AGBL1: variants seen among roughly 807,000 people sequenced by gnomAD.
The protein encoded by AGBL1 is AGBL carboxypeptidase 1, also known as cytosolic carboxypeptidase 4.
Under a neutral mutation model 118.9 loss-of-function variants are expected in AGBL1, and 130 were observed. The ratio of observed to expected loss-of-function variants is 1.09; its 90% CI spans 0.95 to 1.26. AGBL1 has a LOEUF of 1.26. Ranked by LOEUF, AGBL1 falls within the 50% of genes most tolerant of loss-of-function variation. The pLI is 0.00. For synonymous variants in AGBL1, 555 were observed against 478.9 expected (o/e 1.16, Z -2.08); for missense variants, 1,584 against 1,298.1 (o/e 1.22, Z -3.38).
intron 24 of AGBL1, among the ~76,000 whole-genome samples, chr15:87,005,367 T>G (rs1567283093): frequency 1.3e-5 from 2 of 152,226 alleles, no homozygotes; most frequent in Non-Finnish European, 2.9e-5. Context: ...AGTCCCATAT[T>G]TCTTGGAGGC....
chr15:86,556,271 G>A lies in AGBL1; in HGVS notation c.2994+1734G>A, dbSNP rs1443466865. ...GACAAAGAATGAAAGGGCTCACCCAGTGGATGGCCTTCAGGTATTGGAGCA... is the reference window on the plus strand; with the variant it reads ...GACAAAGAATGAAAGGGCTCACCCAATGGATGGCCTTCAGGTATTGGAGCA... On this transcript the variant is annotated intron_variant, in intron 21 of 22. Transcript: ENST00000614907. The A allele has an allele frequency of 5.6e-6, 9 of 1,612,884 alleles. No individual in the cohort carries two copies. The South Asian group carries it at 6.6e-5, about 12-fold the overall frequency.
At chr15:86,604,799 T>TTC in intron 21 of AGBL1, among the ~76,000 whole-genome samples, 1 of 145,292 alleles carries the variant, frequency 6.9e-6, no homozygotes, top group African/African-American at 2.5e-5. Flanking sequence ...TTTTCTTTCT[T>TTC]TTTTTTTTTT....
chr15:86,677,330 C>G (rs1416354917), intron 22 of AGBL1, among the ~76,000 whole-genome samples: 1 of 152,184 alleles, frequency 6.6e-6, no homozygotes, highest in East Asian at 1.9e-4. Flanking sequence ...TTGCAGTCCT[C>G]TTCTTCCCAG....
In AGBL1 at chr15:86,225,160, A is replaced by T. The variant is rs559197787; in HGVS notation, c.526+209A>T. Among the ~76,000 whole-genome samples the T allele has an allele frequency of 2.1e-3, 316 of 152,062 alleles. 1 individual carries two copies. The highest frequency in any genetic ancestry group is 7.3e-3 in the African/African-American group (301 of 41,506). ...AGAGAATATTATGGCTGTTCCAGGT[A>T]CATGACCACAAAGAGAAAATAAATA... On this transcript the variant is annotated intron_variant, in intron 6 of 22. Coordinates refer to ENST00000614907, the MANE Select transcript of AGBL1 (RefSeq NM_001386094.1).
chr15:86,561,140 A>G (rs1278496256), intron 21 of AGBL1, among the ~76,000 whole-genome samples: 1 of 152,166 alleles, frequency 6.6e-6, no homozygotes, highest in Non-Finnish European at 1.5e-5. Flanking sequence ...CTTTAGTTTA[A>G]TTAGATCCCA....
chr15:86,500,773 T>C (rs2082908978), intron 18 of AGBL1, among the ~76,000 whole-genome samples: 1 of 151,818 alleles, frequency 6.6e-6, no homozygotes, highest in African/African-American at 2.4e-5. Flanking sequence ...ATGTCTGCCT[T>C]CTTTCACTCA....
chr15:86,875,365 C>T (rs191501547), intron 22 of AGBL1, among the ~76,000 whole-genome samples: 1 of 152,176 alleles, frequency 6.6e-6, no homozygotes, highest in African/African-American at 2.4e-5. Flanking sequence ...GTACCAGTTT[C>T]CCTTAGACAC....
chr15:86,266,645 GT>G (rs1202171809), intron 12 of AGBL1, among the ~76,000 whole-genome samples, 188 bp downstream of exon 12: 7 of 152,350 alleles, frequency 4.6e-5, no homozygotes, highest in Non-Finnish European at 7.3e-5. Flanking sequence ...GCTCACGCCT[GT>G]AATCCCAGCA....
At chr15:86,216,932 C>T (rs2078199692) in intron 5 of AGBL1, among the ~76,000 whole-genome samples, 1 of 152,200 alleles carries the variant, frequency 6.6e-6, no homozygotes, top group African/African-American at 2.4e-5. Flanking sequence ...CTTACAGTGT[C>T]TGTACTGGCT....
intron 22 of AGBL1, among the ~76,000 whole-genome samples, chr15:86,832,804 C>G (rs920844327): frequency 6.6e-6 from 1 of 152,200 alleles, no homozygotes; most frequent in Non-Finnish European, 1.5e-5. Context: ...AAAGTCACTT[C>G]CACATTTTTA....
chr15:86,922,377 G>A (rs942921941), intron 23 of AGBL1, among the ~76,000 whole-genome samples: 4 of 152,150 alleles, frequency 2.6e-5, no homozygotes, highest in South Asian at 2.1e-4. Flanking sequence ...TGCAACCTCC[G>A]CCTCCTGGGT....
chr15:86,557,895 G>C lies in AGBL1; in HGVS notation c.2994+3358G>C, dbSNP rs921080990. ...CACTGTCCTTGGGTAAGTAGAAAAA[G>C]AGAAGAAATTATTGTGGTCCAAATG... On this transcript the variant is annotated intron_variant, in intron 21 of 22. Coordinates refer to ENST00000614907, the MANE Select transcript of AGBL1 (RefSeq NM_001386094.1). 7.2e-5 allele frequency among the ~76,000 whole-genome samples: 11 copies of C among 152,128 alleles called. 1 individual carries two copies. Among genetic ancestry groups the C allele is most frequent in the African/African-American group, 2.4e-4 (10 of 41,412 alleles).
chr15:86,846,872 T>C lies in AGBL1; in HGVS notation c.3159-60215T>C, dbSNP rs1164968052. 3.3e-5 allele frequency among the ~76,000 whole-genome samples: 5 copies of C among 152,336 alleles called. No individual in the cohort carries two copies. In the East Asian group the frequency reaches 5.8e-4, roughly 18 times the overall value. On this transcript the variant is annotated intron_variant, in intron 22 of 22. Transcript: ENST00000614907. ...GTATCCATTACTTTTTCATATTCTT[T>C]TTCTGGCCTTTCTTCTTCCTCCTTT...
chr15:86,406,307 A>G (rs1486897902), intron 18 of AGBL1, among the ~76,000 whole-genome samples: 5 of 152,232 alleles, frequency 3.3e-5, no homozygotes, highest in African/African-American at 2.4e-5. Flanking sequence ...CAGAGTTTTA[A>G]CAACAAGTGA....
At chr15:86,635,886 C>A (rs2085073762) in intron 21 of AGBL1, among the ~76,000 whole-genome samples, 1 of 152,164 alleles carries the variant, frequency 6.6e-6, no homozygotes, top group African/African-American at 2.4e-5. Context: ...CAATAGAACT[C>A]CTGGCCCTAA....
At chr15:86,131,532 T>A (rs553437176) in intron 1 of AGBL1, among the ~76,000 whole-genome samples, 1 of 152,326 alleles carries the variant, frequency 6.6e-6, no homozygotes, top group South Asian at 2.1e-4. Context: ...TCAACTTCTC[T>A]TGGCCTCAAT....
At chr15:86,524,436 C>G (rs1242267770) in intron 19 of AGBL1, among the ~76,000 whole-genome samples, 1 of 152,178 alleles carries the variant, frequency 6.6e-6, no homozygotes, top group East Asian at 1.9e-4. Context: ...GTACAAATTT[C>G]CAGGTATCCT....
At chr15:86,484,718 A>G (rs2082693102) in intron 18 of AGBL1, among the ~76,000 whole-genome samples, 1 of 152,154 alleles carries the variant, frequency 6.6e-6, no homozygotes, top group Non-Finnish European at 1.5e-5. Flanking sequence ...TGTCTTATCA[A>G]GAAATTCCAA....
At chr15:87,028,728 C>A in intron 24 of AGBL1, 1 of 1,065,070 alleles carries the variant, frequency 9.4e-7, no homozygotes, top group Non-Finnish European at 1.4e-6. Context: ...AAATGAATTT[C>A]GTATCTCTAA....
Sources: gnomAD v4.1 joint callset for allele counts (sites outside exome capture counted in the v4.1 genomes callset) on GRCh38, gnomAD v4.1.1 for gene constraint, MANE v1.5 for transcripts, NCBI Gene and HGNC (gene_info 2026-07-23, HGNC 2026-07-21) for gene names.